AFG1L: variants seen among roughly 807,000 people sequenced by gnomAD.
AFG1L encodes AFG1-like ATPase.
Under a neutral mutation model 62.2 loss-of-function variants are expected in AFG1L, and 53 were observed. The observed-to-expected ratio is 0.85, with a 90% CI of 0.68 to 1.07. The LOEUF is 1.07. Among genes scored for constraint, AFG1L ranks in the 50% least tolerant of loss-of-function variants. AFG1L has a pLI of 0.00. For missense variants in AFG1L, 555 were observed against 590.5 expected (o/e 0.94, Z 0.62); for synonymous variants, 228 against 210.3 (o/e 1.08, Z -0.73).
chr6:108,503,777 G>A (rs1003921129), intron 10 of AFG1L, among the ~76,000 whole-genome samples: 3 of 152,160 alleles, frequency 2.0e-5, no homozygotes, highest in South Asian at 2.1e-4. Context: ...ATCTTCTTTC[G>A]ATTCATCTGC....
chr6:108,335,270 G>C (rs1778435340), intron 2 of AFG1L, among the ~76,000 whole-genome samples: 1 of 152,054 alleles, frequency 6.6e-6, no homozygotes, highest in African/African-American at 2.4e-5. Flanking sequence ...TGCCCCGGCT[G>C]GTTTTTCTTT....
At chr6:108,388,917 A>G (rs1033704596) in intron 6 of AFG1L, among the ~76,000 whole-genome samples, 18 of 152,128 alleles carry the variant, frequency 1.2e-4, no homozygotes, top group African/African-American at 4.3e-4. Flanking sequence ...GCTGAGTTCA[A>G]TTCCTGGGTA....
intron 7 of AFG1L, among the ~76,000 whole-genome samples, chr6:108,445,631 GGTGAGAGA>G (rs1354624484): frequency 1.8e-5 from 2 of 110,372 alleles, no homozygotes; most frequent in African/African-American, 7.8e-5. Context: ...GGACACCTAA[GGTGAGAGA>G]GAGAGAGAGA....
At chr6:108,384,164 G>A (rs1038746258) in intron 6 of AFG1L, among the ~76,000 whole-genome samples, 10 of 151,898 alleles carry the variant, frequency 6.6e-5, no homozygotes, top group African/African-American at 2.4e-4. Context: ...ACCAGCCTCA[G>A]GGCAGGGTAA....
chr6:108,446,176 G>T (rs1265806439), intron 7 of AFG1L, among the ~76,000 whole-genome samples: 1 of 151,494 alleles, frequency 6.6e-6, no homozygotes, highest in Non-Finnish European at 1.5e-5. Flanking sequence ...AAGTACATTT[G>T]CTCTCAAAGT....
intron 6 of AFG1L, among the ~76,000 whole-genome samples, chr6:108,386,158 A>C (rs1399927965): frequency 6.6e-6 from 1 of 152,198 alleles, no homozygotes; most frequent in Non-Finnish European, 1.5e-5. Flanking sequence ...AGACATTCTA[A>C]GATTAAAAAG....
intron 10 of AFG1L, among the ~76,000 whole-genome samples, chr6:108,503,729 G>A (rs1330354097): frequency 6.6e-6 from 1 of 152,186 alleles, no homozygotes; most frequent in East Asian, 1.9e-4. Flanking sequence ...TTGAAGCCAG[G>A]CATTGACTTC....
At chr6:108,430,937 T>C (rs1771042677) in intron 7 of AFG1L, among the ~76,000 whole-genome samples, 2 of 152,298 alleles carry the variant, frequency 1.3e-5, no homozygotes, top group African/African-American at 2.4e-5. Flanking sequence ...ATAATTTGAA[T>C]AGTATAAGGA....
chr6:108,443,357 A>T (rs1303052639), intron 7 of AFG1L, among the ~76,000 whole-genome samples: 1 of 152,178 alleles, frequency 6.6e-6, no homozygotes, highest in African/African-American at 2.4e-5. Flanking sequence ...CGGAGCAAGC[A>T]TTCCAACCAA....
Position 108,323,975 on chromosome 6 carries a change from TC to T in AFG1L, c.291del (p.Ile98TyrfsTer16). 6.2e-7 allele frequency: 1 copy of T among 1,614,084 alleles called. No individual in the cohort carries two copies. The highest frequency in any genetic ancestry group is 8.5e-7 in the Non-Finnish European group (1 of 1,180,018). ...AAGGATGATGAACATCAAAGAAGAG[TC>T]ATACAGTGTTTGCAGAAATTACACG... ...ELKDDEHQRR[V>X]IQCLQKLHED... On this transcript the variant is annotated frameshift_variant, in exon 2 of 13. Transcript: ENST00000368977. LOFTEE classifies it high-confidence loss of function.
intron 2 of AFG1L, among the ~76,000 whole-genome samples, chr6:108,337,839 A>G (rs1200283249): frequency 2.0e-5 from 3 of 152,220 alleles, no homozygotes; most frequent in African/African-American, 7.2e-5. Flanking sequence ...CATGAAAGAC[A>G]GGGCTTTTAC....
intron 6 of AFG1L, among the ~76,000 whole-genome samples, chr6:108,395,152 G>A (rs1229095930): frequency 2.0e-5 from 3 of 152,012 alleles, no homozygotes; most frequent in Admixed American, 1.3e-4. Context: ...AAGAGCTTAT[G>A]CAAATACTTT....
chr6:108,346,440 A>C (rs1415995089), intron 2 of AFG1L, among the ~76,000 whole-genome samples: 2 of 151,620 alleles, frequency 1.3e-5, no homozygotes, highest in African/African-American at 4.9e-5. Flanking sequence ...AACATGGCTC[A>C]CTGTAGCCTT....
chr6:108,302,898 A>G (rs1251299551), intron 1 of AFG1L, among the ~76,000 whole-genome samples: 1 of 152,158 alleles, frequency 6.6e-6, no homozygotes, highest in Non-Finnish European at 1.5e-5. Flanking sequence ...TTATAGGAGT[A>G]TACTTTGCTT....
At chr6:108,398,886 C>T (rs569578505) in intron 6 of AFG1L, among the ~76,000 whole-genome samples, 2 of 152,218 alleles carry the variant, frequency 1.3e-5, no homozygotes, top group African/African-American at 4.8e-5. Context: ...ATTGTGATTT[C>T]TGCAGTTTTG....
intron 8 of AFG1L, among the ~76,000 whole-genome samples, chr6:108,453,339 A>G (rs1333203137): frequency 6.6e-6 from 1 of 152,242 alleles, no homozygotes; most frequent in East Asian, 1.9e-4. Flanking sequence ...ATTTCAAAAA[A>G]AAAGTTTTTT....
At chr6:108,514,917 G>A (rs1273783382) in intron 11 of AFG1L, among the ~76,000 whole-genome samples, 1 of 152,198 alleles carries the variant, frequency 6.6e-6, no homozygotes, top group Non-Finnish European at 1.5e-5. Flanking sequence ...TTACATAATG[G>A]TAAAGGGATC....
chr6:108,425,565 G>A (rs1407401638), intron 7 of AFG1L, among the ~76,000 whole-genome samples: 2 of 152,032 alleles, frequency 1.3e-5, no homozygotes, highest in South Asian at 2.1e-4. Flanking sequence ...GCAGAGCCAG[G>A]TCTACAATCC....
At chr6:108,331,583 A>T (rs1205979190) in intron 2 of AFG1L, among the ~76,000 whole-genome samples, 1 of 152,226 alleles carries the variant, frequency 6.6e-6, no homozygotes, top group East Asian at 1.9e-4. Flanking sequence ...AAGAATGAAC[A>T]TTTATAAACA....
Sources: allele counts gnomAD v4.1 joint callset (sites outside exome capture counted in the v4.1 genomes callset), GRCh38; gene constraint gnomAD v4.1.1; transcripts MANE v1.5; gene names NCBI Gene and HGNC (gene_info 2026-07-23, HGNC 2026-07-21).